Variants in RCOR1 observed in about 807,000 individuals in gnomAD.
RCOR1 encodes REST corepressor.
A neutral mutation model predicts 64.0 loss-of-function variants in RCOR1; 12 were observed. The observed-to-expected ratio is 0.19, with a 90% CI of 0.12 to 0.30. The LOEUF (loss-of-function observed/expected upper bound fraction) is 0.30, where lower values mean the gene tolerates loss of function less well. Among genes scored for constraint, RCOR1 ranks in the 10% least tolerant of loss-of-function variants. The pLI, the probability that RCOR1 is intolerant of heterozygous loss-of-function variation, is 1.00. For synonymous variants in RCOR1, 279 were observed against 227.2 expected (o/e 1.23, Z -2.05); for missense variants, 502 against 621.2 (o/e 0.81, Z 2.04).
At chr14:102,614,571 T>C (rs989847676) in intron 2 of RCOR1, among the ~76,000 whole-genome samples, 2 of 152,110 alleles carry the variant, frequency 1.3e-5, no homozygotes, top group African/African-American at 4.8e-5. Context: ...CCAGACTGAA[T>C]TAAGATTTTA....
chr14:102,664,108 A>G (rs1894873165), intron 2 of RCOR1, among the ~76,000 whole-genome samples: 1 of 151,998 alleles, frequency 6.6e-6, no homozygotes, highest in South Asian at 2.1e-4. Flanking sequence ...AGTCAGTTCT[A>G]TTTTTTATTT....
chr14:102,713,262 C>CT (rs549966355), intron 7 of RCOR1, among the ~76,000 whole-genome samples: 4,365 of 112,736 alleles, frequency 0.039, 86 homozygotes, highest in Admixed American at 0.044. Context: ...CCCGTAGTTT[C>CT]TTTTTTTTTT....
At chr14:102,661,005 G>A (rs1223448327) in intron 2 of RCOR1, among the ~76,000 whole-genome samples, 2 of 152,096 alleles carry the variant, frequency 1.3e-5, no homozygotes, top group African/African-American at 4.8e-5. Context: ...AGAGAATGTG[G>A]GGGTAGAAGT....
At chr14:102,718,115 G>A (rs938193365) in intron 8 of RCOR1, among the ~76,000 whole-genome samples, 1 of 152,160 alleles carries the variant, frequency 6.6e-6, no homozygotes, top group Admixed American at 6.5e-5. Flanking sequence ...AGTGGCTACT[G>A]GTGTTAGTTC....
chr14:102,708,252 AC>A (rs2139984920), intron 5 of RCOR1, among the ~76,000 whole-genome samples: 1 of 151,438 alleles, frequency 6.6e-6, no homozygotes, highest in East Asian at 1.9e-4. Context: ...GGCGTGAGTC[AC>A]CACATCCGGC....
Position 102,592,971 on chromosome 14 carries a change from G to T in RCOR1, c.85G>T (p.Ala29Ser), listed in dbSNP as rs1398097558. Residue 29 changes from alanine to serine, a missense_variant, in exon 1 of 12, where the codon GCC (alanine) becomes TCC (serine). Around this residue, in one of 2 missense-constraint regions of RCOR1, gnomAD observed 242 missense variants for 204.9 expected, o/e 1.18. Coordinates refer to ENST00000262241, the MANE Select transcript of RCOR1 (RefSeq NM_015156.4). ...NNAAASASAAAASAAASAACA... is the reference protein window; with the variant it reads ...NNAAASASAASASAAASAACA... ...CGCGGCCGCCTCCGCCTCCGCCGCC[G>T]CCGCCTCCGCCGCCGCCTCGGCCGC... The T allele has an allele frequency of 1.1e-5, 13 of 1,153,956 alleles. No homozygotes were observed. Among genetic ancestry groups the T allele is most frequent in the African/African-American group, 1.7e-5 (1 of 60,372 alleles). 71.5% of individuals were successfully genotyped at this position (1,153,956 alleles called of 1,614,324 possible).
intron 2 of RCOR1, chr14:102,657,937 C>G (rs1894759100): frequency 1.0e-6 from 1 of 981,082 alleles, no homozygotes; most frequent in South Asian, 4.7e-5. Flanking sequence ...AAAGAGTTTT[C>G]TTTATGAGGG....
intron 2 of RCOR1, chr14:102,655,914 C>T: frequency 1.6e-5 from 15 of 913,774 alleles, no homozygotes; most frequent in Non-Finnish European, 1.8e-5. Context: ...GATCGCGCCA[C>T]TGCACTCCAG....
At chr14:102,696,456 G>A (rs943469215) in intron 3 of RCOR1, among the ~76,000 whole-genome samples, 1 of 152,194 alleles carries the variant, frequency 6.6e-6, no homozygotes, top group Non-Finnish European at 1.5e-5. Flanking sequence ...TGTCGGCCAG[G>A]TTGCACAGGC....
intron 2 of RCOR1, 41 bp downstream of exon 2, chr14:102,593,366 G>A (rs1204576512): frequency 3.4e-6 from 5 of 1,486,496 alleles, no homozygotes; most frequent in Non-Finnish European, 4.4e-6. Flanking sequence ...GGGATGAGCG[G>A]GAGCCCCGGG....
At chr14:102,636,587 A>C (rs114344832) in intron 2 of RCOR1, among the ~76,000 whole-genome samples, 3,585 of 152,082 alleles carry the variant, frequency 0.024, 128 homozygotes, top group African/African-American at 0.077. Context: ...TGGCCATAGA[A>C]ATCTTTTCAT....
chr14:102,593,520 G>C (rs531439820), intron 2 of RCOR1, among the ~76,000 whole-genome samples, 195 bp downstream of exon 2: 1 of 152,228 alleles, frequency 6.6e-6, no homozygotes, highest in Non-Finnish European at 1.5e-5. Context: ...TCTGCACCCG[G>C]GGGAGGCCAG....
At chr14:102,654,075 T>A (rs1894671204) in intron 2 of RCOR1, among the ~76,000 whole-genome samples, 1 of 144,602 alleles carries the variant, frequency 6.9e-6, no homozygotes, top group South Asian at 2.3e-4. Context: ...AAGCTCTGCC[T>A]CCCGGGTTCA....
chr14:102,666,777 A>T (rs541116738), intron 2 of RCOR1, among the ~76,000 whole-genome samples: 33 of 152,278 alleles, frequency 2.2e-4, no homozygotes, highest in African/African-American at 7.0e-4. Context: ...GTGCCATTTC[A>T]TCCCATCCAA....
At chr14:102,647,211 G>A (rs1894494294) in intron 2 of RCOR1, among the ~76,000 whole-genome samples, 1 of 152,134 alleles carries the variant, frequency 6.6e-6, no homozygotes, top group Non-Finnish European at 1.5e-5. Context: ...ATCCTCCAGT[G>A]GAAGCAAGTC....
intron 2 of RCOR1, among the ~76,000 whole-genome samples, chr14:102,653,180 C>T (rs1894627419): frequency 6.6e-6 from 1 of 152,058 alleles, no homozygotes. Flanking sequence ...CCTCGGCCTC[C>T]CAAAGTGCTG....
intron 2 of RCOR1, among the ~76,000 whole-genome samples, chr14:102,675,646 C>T (rs1336179488): frequency 6.6e-5 from 10 of 152,216 alleles, no homozygotes; most frequent in Non-Finnish European, 1.3e-4. Context: ...TTTCAGACCA[C>T]AGTTGATCAT....
intron 2 of RCOR1, among the ~76,000 whole-genome samples, chr14:102,660,057 A>G (rs539520000): frequency 6.6e-6 from 1 of 152,154 alleles, no homozygotes; most frequent in African/African-American, 2.4e-5. Context: ...TTCTGTCACT[A>G]TGAGGTAGAG....
At position 102,707,326 on chromosome 14, in the gene RCOR1, A is replaced by C. The variant is rs776926922; in HGVS notation, c.499-25A>C. 4.5e-6 allele frequency: 7 copies of C among 1,554,582 alleles called. No individual in the cohort carries two copies. In the South Asian group the frequency reaches 7.3e-5, roughly 16 times the overall value. ...TTTCATTGTTTTTTGTTTGATCTAA[A>C]ATTTTACTGATATCATTTTTGTAGG... On this transcript the variant is annotated intron_variant, in intron 4 of 11. Transcript: ENST00000262241.
Sources: allele counts gnomAD v4.1 joint callset (sites outside exome capture counted in the v4.1 genomes callset), GRCh38; gene constraint gnomAD v4.1.1; regional missense constraint gnomAD v4.1.1; transcripts MANE v1.5; gene names NCBI Gene and HGNC (gene_info 2026-07-23, HGNC 2026-07-21).